The following GCDH variants were observed in gnomAD, a reference collection of about 807,000 sequenced individuals.
GCDH encodes glutaryl-CoA dehydrogenase, mitochondrial.
GCDH carries 31 observed loss-of-function variants against 52.8 expected under a neutral mutation model. That is an observed-to-expected ratio of 0.59 (90% CI 0.44 to 0.79). The LOEUF (loss-of-function observed/expected upper bound fraction) is 0.79, where lower values mean the gene tolerates loss of function less well. Among genes scored for constraint, GCDH ranks in the 30% least tolerant of loss-of-function variants. The pLI is 0.00. For synonymous variants in GCDH, 242 were observed against 250.0 expected, an observed-to-expected ratio of 0.97 and a Z score of 0.30; for missense variants, 509 against 595.0, an observed-to-expected ratio of 0.86 and a Z score of 1.50.
chr19:12,893,692 GTC>G (rs1568426194), intron 6 of GCDH, 39 bp downstream of exon 6: 1 of 1,565,934 alleles, frequency 6.4e-7, no homozygotes, highest in South Asian at 1.1e-5. Flanking sequence ...AAGGAAGACA[GTC>G]TCTGAGGTCT....
rs150938052 is a variant in GCDH at position 12,897,767 on chromosome 19, C to T, written c.1147C>T (p.Arg383Cys). The change falls in exon 11 of 12, where the codon CGC (arginine) becomes TGC (cysteine). Residue 383 changes from arginine to cysteine, a missense_variant. Arg to Cys is a radical substitution (Grantham distance 180). Coordinates refer to ENST00000222214, the MANE Select transcript of GCDH (RefSeq NM_000159.4). ...CTGTGGGAAAGCCCTGGACATCGCC[C>T]GCCAGGCCCGAGACATGCTGGGGGG... is the stretch of plus-strand genomic sequence containing the variant. ...NNCGKALDIARQARDMLGGNG... is the reference protein window; with the variant it reads ...NNCGKALDIACQARDMLGGNG... 33 of 1,613,936 alleles carry T rather than the reference C, an allele frequency of 2.0e-5. No individual in the cohort carries two copies. Among genetic ancestry groups the T allele is most frequent in the African/African-American group, 1.3e-4 (10 of 74,896 alleles).
intron 11 of GCDH, among the ~76,000 whole-genome samples, chr19:12,898,609 G>T (rs139546848): frequency 1.3e-5 from 2 of 151,364 alleles, no homozygotes; most frequent in East Asian, 3.9e-4. Flanking sequence ...TGCAGAGAAG[G>T]GATGAGTCAG....
Position 12,891,185 on chromosome 19 carries a change from A to T in GCDH, c.-52A>T. ...AGTTGCACTGTAGCCTCGGCAGTGA[A>T]CCGGGAGGTACTACCAGGTAAGGAA... On this transcript the variant is annotated 5_prime_UTR_variant, in exon 1 of 12. Transcript: ENST00000222214. 1 of 757,136 alleles carries T rather than the reference A, an allele frequency of 1.3e-6. No homozygotes were observed. Among genetic ancestry groups the T allele is most frequent in the African/African-American group, 1.7e-5 (1 of 58,384 alleles). The allele number at this position is 757,136 out of a possible 1,614,324, so 46.9% of individuals were successfully genotyped here.
Position 12,891,189 on chromosome 19 carries a change from G to A in GCDH, c.-48G>A, listed in dbSNP as rs747368001. On this transcript the variant is annotated 5_prime_UTR_variant, in exon 1 of 12. Transcript: ENST00000222214. ...GCACTGTAGCCTCGGCAGTGAACCG[G>A]GAGGTACTACCAGGTAAGGAAGGTG... 1 of 771,866 alleles carries A rather than the reference G, an allele frequency of 1.3e-6. No homozygotes were observed. Among genetic ancestry groups the A allele is most frequent in the Non-Finnish European group, 2.2e-6 (1 of 450,036 alleles). The allele number at this position is 771,866 out of a possible 1,614,324, so 47.8% of individuals were successfully genotyped here. A position where few individuals can be genotyped will look rare whatever the true frequency, so the allele number is the denominator to read the frequency against.
rs371431562 is a variant in GCDH at position 12,899,959 on chromosome 19, T to C, written c.*418T>C. 1 of 1,573,148 alleles carries C rather than the reference T, an allele frequency of 6.4e-7. No individual in the cohort carries two copies. The highest frequency in any genetic ancestry group is 8.7e-7 in the Non-Finnish European group (1 of 1,154,818). ...AGTGAGGGAGAGGAAAATAAAGACCTGCACATCTGACCCCAAGGTGTCAGG... is the reference window on the plus strand; with the variant it reads ...AGTGAGGGAGAGGAAAATAAAGACCCGCACATCTGACCCCAAGGTGTCAGG... On this transcript the variant is annotated 3_prime_UTR_variant, in exon 12 of 12. Transcript: ENST00000222214.
At chr19:12,891,762 T>C in intron 3 of GCDH, 69 bp from the exon 4 acceptor site, 2 of 1,610,226 alleles carry the variant, frequency 1.2e-6, no homozygotes, top group Non-Finnish European at 1.7e-6. Flanking sequence ...GGGGTAGGGC[T>C]GATGAGGGTC....
chr19:12,899,424 G>C lies in GCDH; in HGVS notation c.1244-44G>C, dbSNP rs777197667. The C allele has an allele frequency of 2.5e-5, 40 of 1,613,998 alleles. No homozygotes were observed. In the Admixed American group the frequency reaches 5.7e-4, roughly 23 times the overall value. ...AAAATTGATTTTAAAGGGAAGTTGT[G>C]AGCTATGAAAACTCCAAACCGACTC... is the stretch of plus-strand genomic sequence containing the variant. On this transcript the variant is annotated intron_variant, in intron 11 of 11. Transcript: ENST00000222214.
chr19:12,895,983 T>A lies in GCDH; in HGVS notation c.506-9T>A, dbSNP rs1970666289. 6.2e-7 allele frequency: 1 copy of A among 1,613,836 alleles called. No individual in the cohort carries two copies. On this transcript the variant is annotated splice_polypyrimidine_tract_variant and intron_variant, in intron 6 of 11. Coordinates refer to ENST00000222214, the MANE Select transcript of GCDH (RefSeq NM_000159.4). The stretch of plus-strand genomic sequence containing the variant: ...CAGGCAGCCTTGTGACTTTGTCTTG[T>A]GCCTGCAGCCAAGGGGGAGCTCCTG...
In GCDH at chr19:12,891,207, G is replaced by A; in HGVS notation, c.-35+5G>A. ...TGAACCGGGAGGTACTACCAGGTAA[G>A]GAAGGTGCGGTAGCCCCAGCCGTGG... On this transcript the variant is annotated splice_donor_5th_base_variant and intron_variant, in intron 1 of 11. Transcript: ENST00000222214. The A allele has an allele frequency of 1.1e-6, 1 of 910,006 alleles. No individual in the cohort carries two copies. Among genetic ancestry groups the A allele is most frequent in the Non-Finnish European group, 1.7e-6 (1 of 571,714 alleles). 56.4% of individuals were successfully genotyped at this position (910,006 alleles called of 1,614,324 possible).
intron 10 of GCDH, 31 bp downstream of exon 10, chr19:12,897,459 G>A (rs1233603584): frequency 1.9e-6 from 3 of 1,609,910 alleles, no homozygotes; most frequent in Middle Eastern, 3.3e-4. Context: ...GCGGGGGGAT[G>A]GCAGCGGTGG....
chr19:12,898,127 G>C (rs1418530013), intron 11 of GCDH: 1 of 508,456 alleles, frequency 2.0e-6, no homozygotes, highest in African/African-American at 1.9e-5. Flanking sequence ...CGGGAGGAGG[G>C]ATGTTCCTGA....
At chr19:12,893,918 T>A (rs1385940160) in intron 6 of GCDH, 1 of 594,990 alleles carries the variant, frequency 1.7e-6, no homozygotes, top group African/African-American at 1.9e-5. Flanking sequence ...AGGTTCCTGC[T>A]GGCCATTTGC....
At position 12,899,769 on chromosome 19, in the gene GCDH, G is replaced by A. The variant is rs879300830; in HGVS notation, c.*228G>A. The A allele has an allele frequency of 1.0e-5, 16 of 1,607,558 alleles. No individual in the cohort carries two copies. Among genetic ancestry groups the A allele is most frequent in the Non-Finnish European group, 1.3e-5 (15 of 1,175,120 alleles). On this transcript the variant is annotated 3_prime_UTR_variant, in exon 12 of 12. Coordinates refer to ENST00000222214, the MANE Select transcript of GCDH (RefSeq NM_000159.4). ...AGCGTCTCAATCCACTTTTAACCAT[G>A]GATGAGAGCAGACTCCATTTACCCT...
At chr19:12,898,320 AC>A (rs1294442173) in intron 11 of GCDH, 1 of 178,440 alleles carries the variant, frequency 5.6e-6, no homozygotes, top group African/African-American at 2.4e-5. Context: ...GGGGTCCAGA[AC>A]CCCTTGCTTG....
chr19:12,892,126 G>A lies in GCDH; in HGVS notation c.282G>A (p.Arg94=). Residue 94 remains arginine (R), a synonymous_variant, in exon 5 of 12, where the codon CGG becomes CGA. Transcript: ENST00000222214. ...LLANRNEVFH[R]EIISEMGELG... is the part of the protein sequence containing the mutation. ...CTGGTCCCTTTGCAGTTTTTCATCGGGAGATCATTTCGGAGATGGGGGAGT... is the reference window on the plus strand; with the variant it reads ...CTGGTCCCTTTGCAGTTTTTCATCGAGAGATCATTTCGGAGATGGGGGAGT... The A allele has an allele frequency of 6.2e-7, 1 of 1,614,180 alleles. No homozygotes were observed. The highest frequency in any genetic ancestry group is 8.5e-7 in the Non-Finnish European group (1 of 1,180,028).
At chr19:12,898,232 A>G (rs1970736319) in intron 11 of GCDH, 1 of 325,404 alleles carries the variant, frequency 3.1e-6, no homozygotes, top group South Asian at 2.9e-5. Context: ...GCAGGAATCA[A>G]CGCTCCATTT....
Position 12,899,555 on chromosome 19 carries a change from G to A in GCDH, c.*14G>A, listed in dbSNP as rs1401540734. On this transcript the variant is annotated 3_prime_UTR_variant, in exon 12 of 12. Transcript: ENST00000222214. ...GCCAGCAAGTGAGCCGCTCCATCAG[G>A]GGCCCGAAACTCTCAAGCCCCTTTC... 6.2e-7 allele frequency: 1 copy of A among 1,614,132 alleles called. No homozygotes were observed. The highest frequency in any genetic ancestry group is 1.7e-5 in the Admixed American group (1 of 60,010).
chr19:12,893,989 C>G (rs1248095696), intron 6 of GCDH: 1 of 580,930 alleles, frequency 1.7e-6, no homozygotes, highest in Admixed American at 3.0e-5. Context: ...TCCCTTGAGC[C>G]CAAGAGTTCG....
Position 12,893,543 on chromosome 19 carries a change from G to T in GCDH, c.395G>T (p.Arg132Leu). 1 of 1,613,826 alleles carries T rather than the reference G, an allele frequency of 6.2e-7. No individual in the cohort carries two copies. Among genetic ancestry groups the T allele is most frequent in the Non-Finnish European group, 8.5e-7 (1 of 1,179,760 alleles). The change falls in exon 6 of 12, where the codon CGG becomes CTG. Residue 132 changes from arginine to leucine, a missense_variant. Physicochemically the swap from Arg to Leu is moderately radical, Grantham distance 102. Transcript: ENST00000222214. The stretch of plus-strand genomic sequence containing the variant: ...GGGCTCCTGGCCCGAGAGCTGGAGC[G>T]GGTGGACAGTGGCTACAGGTCGGCG... ...AYGLLARELE[R>L]VDSGYRSAMS...
Sources: gnomAD v4.1 joint callset for allele counts (sites outside exome capture counted in the v4.1 genomes callset) on GRCh38, gnomAD v4.1.1 for gene constraint, MANE v1.5 for transcripts, NCBI Gene and HGNC (gene_info 2026-07-23, HGNC 2026-07-21) for gene names.